ZNF487: variants seen among roughly 807,000 people sequenced by gnomAD.
The protein encoded by ZNF487 is KRAB domain only 1.
A neutral mutation model predicts 3.0 loss-of-function variants in ZNF487; 4 were observed. The observed-to-expected ratio is 1.35, with a 90% CI of 0.66 to 3.08. The LOEUF is 3.08. Ranked by LOEUF, ZNF487 falls within the 30% of genes most tolerant of loss-of-function variation. The probability of loss-of-function intolerance (pLI) is 0.01; values close to 1 mark genes in which losing one functional copy is unlikely to be tolerated. For missense variants in ZNF487, 146 were observed against 98.7 expected (o/e 1.48, Z -2.03); for synonymous variants, 55 against 34.6 (o/e 1.59, Z -2.06).
At chr10:43,438,317 C>G (rs1198873185) in intron 1 of ZNF487, among the ~76,000 whole-genome samples, 1 of 152,100 alleles carries the variant, frequency 6.6e-6, no homozygotes, top group Non-Finnish European at 1.5e-5. Flanking sequence ...TCCCAAGTGA[C>G]GAGGGTTACA....
intron 1 of ZNF487, among the ~76,000 whole-genome samples, chr10:43,446,456 AGG>A: frequency 7.1e-6 from 1 of 141,116 alleles, no homozygotes; most frequent in African/African-American, 2.7e-5. Flanking sequence ...CGCCGGGCAG[AGG>A]CGCTCCTCAC....
chr10:43,436,848 C>T (rs1311306838), upstream of ZNF487: 3 of 467,710 alleles, frequency 6.4e-6, no homozygotes, highest in South Asian at 3.1e-5. Context: ...CGTCGCGGCC[C>T]CGCCCCCGGA....
the ZNF487 span, among the ~76,000 whole-genome samples, chr10:43,520,940 G>A: frequency 9.2e-5 from 14 of 152,142 alleles, no homozygotes; most frequent in East Asian, 5.8e-4. Flanking sequence ...TGTGAGTGTC[G>A]ACTTTATCTG....
chr10:43,463,229 C>T (rs973925893), intron 1 of ZNF487, among the ~76,000 whole-genome samples: 1 of 144,376 alleles, frequency 6.9e-6, no homozygotes, highest in Non-Finnish European at 1.5e-5. Context: ...AGCAAAACTC[C>T]ATCTCAAAAA....
chr10:43,493,269 A>G, the ZNF487 span, among the ~76,000 whole-genome samples: 6 of 152,130 alleles, frequency 3.9e-5, no homozygotes, highest in East Asian at 1.2e-3. Flanking sequence ...ACAAAACTCT[A>G]GTGGTGTTCA....
the ZNF487 span, among the ~76,000 whole-genome samples, chr10:43,501,232 G>C: frequency 3.3e-5 from 5 of 152,166 alleles, no homozygotes; most frequent in Admixed American, 2.0e-4. Flanking sequence ...TGGTATACCT[G>C]TATAGGCACT....
In ZNF487 at chr10:43,481,516, C is replaced by T. The variant is rs774505791; in HGVS notation, c.218C>T (p.Thr73Ile). Residue 73 changes from threonine (T) to isoleucine (I), a missense_variant, in exon 4 of 4, where the codon ACA (threonine) becomes ATA (isoleucine). Thr to Ile is a moderately conservative substitution (Grantham distance 89). Coordinates refer to ENST00000437590, the MANE Select transcript of ZNF487 (RefSeq NM_001355444.3). Reference protein sequence around the residue: ...LQKVDFVNNKTLTMDRNGVLG... With the variant: ...LQKVDFVNNKILTMDRNGVLG... Reference sequence around the variant, plus strand: ...AAAGTTGATTTTGTCAACAATAAAACACTGACTATGGACAGAAATGGTGTA... The same window carrying T: ...AAAGTTGATTTTGTCAACAATAAAATACTGACTATGGACAGAAATGGTGTA... 6 of 716,630 alleles carry T rather than the reference C, an allele frequency of 8.4e-6. No homozygotes were observed. Among genetic ancestry groups the T allele is most frequent in the South Asian group, 1.5e-5 (1 of 67,242 alleles). The allele number at this position is 716,630 out of a possible 1,614,324, so 44.4% of individuals were successfully genotyped here.
chr10:43,481,721 G>T lies in ZNF487; in HGVS notation c.423G>T (p.Lys141Asn), dbSNP rs80137592. The change falls in exon 4 of 4, where the codon AAG becomes AAT. Residue 141 changes from lysine to asparagine, a missense_variant. Physicochemically the swap from Lys to Asn is moderately conservative, Grantham distance 94. Coordinates refer to ENST00000437590, the MANE Select transcript of ZNF487 (RefSeq NM_001355444.3). Reference sequence around the variant, plus strand: ...GTGGGAAATTTCTCCTCTGTATGAAGCGTGAGAATCCTTATGCCAGAGGGA... The same window carrying T: ...GTGGGAAATTTCTCCTCTGTATGAATCGTGAGAATCCTTATGCCAGAGGGA... The part of the protein sequence containing the change: ...NVRGKFLLCM[K>N]RENPYARGKP... 339 of 716,536 alleles carry T rather than the reference G, an allele frequency of 4.7e-4. 1 individual carries two copies. The African/African-American group carries it at 5.3e-3, about 11-fold the overall frequency. The allele number at this position is 716,536 out of a possible 1,614,324, so 44.4% of individuals were successfully genotyped here.
downstream of ZNF487, among the ~76,000 whole-genome samples, chr10:43,485,181 T>A (rs1456562975): frequency 6.6e-6 from 1 of 152,214 alleles, no homozygotes; most frequent in Non-Finnish European, 1.5e-5. Context: ...GGTGAGTTGT[T>A]TAGTTGTTAT....
chr10:43,481,428 G>T lies in ZNF487; in HGVS notation c.131-1G>T. The T allele has an allele frequency of 2.9e-6, 2 of 698,506 alleles. No homozygotes were observed. The highest frequency in any genetic ancestry group is 3.2e-5 in the South Asian group (2 of 63,262). 43.3% of individuals were successfully genotyped at this position (698,506 alleles called of 1,614,324 possible). Reference sequence around the variant, plus strand: ...CTGTGATAACTTATTATTATTTCTAGACTGCTGCATAGATGATGACCTGAT... The same window carrying T: ...CTGTGATAACTTATTATTATTTCTATACTGCTGCATAGATGATGACCTGAT... On this transcript the variant is annotated splice_acceptor_variant, in intron 3 of 3. Transcript: ENST00000437590. LOFTEE classifies it high-confidence loss of function.
At chr10:43,518,855 C>T in the ZNF487 span, among the ~76,000 whole-genome samples, 1 of 152,190 alleles carries the variant, frequency 6.6e-6, no homozygotes, top group Non-Finnish European at 1.5e-5. Flanking sequence ...ATCACTTTCT[C>T]ACTTGTCCCG....
chr10:43,447,289 C>T (rs1235216135), intron 1 of ZNF487, among the ~76,000 whole-genome samples: 1 of 149,894 alleles, frequency 6.7e-6, no homozygotes, highest in Non-Finnish European at 1.5e-5. Context: ...GTTGCCCAGG[C>T]TGGAGTGCAG....
the ZNF487 span, among the ~76,000 whole-genome samples, chr10:43,506,643 C>T: frequency 6.6e-6 from 1 of 152,190 alleles, no homozygotes; most frequent in Non-Finnish European, 1.5e-5. Context: ...GAATAAAGCT[C>T]TCTTGATAGT....
the ZNF487 span, among the ~76,000 whole-genome samples, chr10:43,507,740 A>G: frequency 6.6e-6 from 1 of 152,108 alleles, no homozygotes; most frequent in Non-Finnish European, 1.5e-5. Flanking sequence ...CTGGATGTGG[A>G]TCCTAACCCT....
Position 43,476,187 on chromosome 10 carries a change from A to C in ZNF487, c.115A>C (p.Ser39Arg). The change falls in exon 3 of 4, where the codon AGT becomes CGT. Residue 39 changes from serine (S) to arginine (R), a missense_variant. By Grantham distance (110) the Ser-to-Arg change is moderately radical (BLOSUM62 -1). Transcript: ENST00000437590. ...GTGGATATTAGAGGAAGAGTCCCCA[A>C]GTCAGAGCCACCTAGGTGAGTTAAT... ...VLWILEEESP[S>R]QSHLDCCIDD... The C allele has an allele frequency of 1.4e-6, 1 of 717,430 alleles. No homozygotes were observed. Among genetic ancestry groups the C allele is most frequent in the Non-Finnish European group, 2.6e-6 (1 of 385,102 alleles). The allele number at this position is 717,430 out of a possible 1,614,324, so 44.4% of individuals were successfully genotyped here.
At chr10:43,439,462 G>A (rs1839502960) in intron 1 of ZNF487, among the ~76,000 whole-genome samples, 1 of 152,008 alleles carries the variant, frequency 6.6e-6, no homozygotes, top group African/African-American at 2.4e-5. Flanking sequence ...CAGCACTTGG[G>A]GAGGCCGAGG....
the ZNF487 span, among the ~76,000 whole-genome samples, chr10:43,500,912 C>G: frequency 1.3e-5 from 2 of 152,108 alleles, no homozygotes; most frequent in African/African-American, 4.8e-5. Flanking sequence ...GAAATTGTCA[C>G]GCTCTCTAAA....
chr10:43,490,258 A>G, the ZNF487 span, among the ~76,000 whole-genome samples: 4 of 152,112 alleles, frequency 2.6e-5, no homozygotes, highest in Non-Finnish European at 5.9e-5. Context: ...AGGCTGAGGC[A>G]GGAGAATTGC....
At chr10:43,522,549 G>A in the ZNF487 span, among the ~76,000 whole-genome samples, 1 of 151,936 alleles carries the variant, frequency 6.6e-6, no homozygotes, top group African/African-American at 2.4e-5. Context: ...GCCTGGCAAA[G>A]ATGGCGAAAC....
Sources: allele counts gnomAD v4.1 joint callset (sites outside exome capture counted in the v4.1 genomes callset), GRCh38; gene constraint gnomAD v4.1.1; transcripts MANE v1.5; gene names NCBI Gene and HGNC (gene_info 2026-07-23, HGNC 2026-07-21).